Variants in CBFA2T3 observed in about 807,000 individuals in gnomAD.
CBFA2T3 encodes transcriptional corepressor CBFA2T3.
Under a neutral mutation model 58.6 loss-of-function variants are expected in CBFA2T3, and 31 were observed. The observed-to-expected ratio is 0.53, with a 90% CI of 0.40 to 0.71. The LOEUF (loss-of-function observed/expected upper bound fraction) is 0.71. Among genes scored for constraint, CBFA2T3 ranks in the 30% least tolerant of loss-of-function variants. The pLI is 0.00. For synonymous variants in CBFA2T3, 531 were observed against 421.9 expected (o/e 1.26, Z -3.17); for missense variants, 1,076 against 963.1 (o/e 1.12, Z -1.55).
intron 8 of CBFA2T3, among the ~76,000 whole-genome samples, chr16:88,881,860 G>A (rs1004004755): frequency 2.0e-5 from 3 of 152,236 alleles, no homozygotes; most frequent in African/African-American, 4.8e-5. Context: ...GAGGGGTGCT[G>A]GCCCCATGCC....
intron 9 of CBFA2T3, chr16:88,881,082 G>C (rs1483630149): frequency 1.4e-6 from 1 of 713,594 alleles, no homozygotes. Context: ...GGGCCTCCCA[G>C]CTCCGAGCCT....
chr16:88,906,079 T>C (rs1970321298), intron 1 of CBFA2T3, among the ~76,000 whole-genome samples: 1 of 152,012 alleles, frequency 6.6e-6, no homozygotes, highest in African/African-American at 2.4e-5. Context: ...GGTCCAGCAC[T>C]CTCCGCCATC....
chr16:88,877,660 C>T lies in CBFA2T3; in HGVS notation c.1663-385G>A, dbSNP rs532457308. Among the ~76,000 whole-genome samples, 732 of 152,254 alleles carry T rather than the reference C, an allele frequency of 4.8e-3. 4 individuals are homozygous for T. The highest frequency in any genetic ancestry group is 0.015 in the African/African-American group (634 of 41,538). On this transcript the variant is annotated intron_variant, in intron 11 of 11. Transcript: ENST00000268679. Reference sequence around the variant, plus strand: ...CGCCTCTGCTGCATCCACACCCACCCGTCCCCCTCCCCACCTCTGCCCCAC... The same window carrying T: ...CGCCTCTGCTGCATCCACACCCACCTGTCCCCCTCCCCACCTCTGCCCCAC...
Position 88,885,197 on chromosome 16 carries a change from G to C in CBFA2T3, c.966C>G (p.Asn322Lys), listed in dbSNP as rs1281566027. ...TGCTGGGGCTGTAGCGCTGGGCAGG[G>C]TTCAGGGTGCATGGCCGTTTGCTGA... is the stretch of plus-strand genomic sequence containing the variant. ...EHLSKRPCTL[N>K]PAQRYSPSNG... is the part of the protein sequence containing the mutation. Residue 322 changes from asparagine to lysine, a missense_variant, in exon 7 of 12, where the codon AAC becomes AAG. Coordinates refer to ENST00000268679, the MANE Select transcript of CBFA2T3 (RefSeq NM_005187.6). The surrounding 1 kb of genome is among the most constrained non-coding windows in gnomAD (Gnocchi z 5.3). 1 of 1,602,942 alleles carries C rather than the reference G, an allele frequency of 6.2e-7. No homozygotes were observed.
In CBFA2T3 at chr16:88,879,274, C is replaced by G; in HGVS notation, c.1658G>C (p.Ser553Thr). ...LTVINQQEDS[S>T]ESCWNCGRKA... is the part of the protein sequence containing the mutation. ...AGCGTGGCCGGGTGGCCCTACCTCG[C>G]TGGAGTCCTCCTGCTGGTTGATGAC... Residue 553 changes from serine to threonine, a missense_variant, in exon 11 of 12, where the codon AGC (serine) becomes ACC (threonine). Transcript: ENST00000268679. 1.9e-6 allele frequency: 3 copies of G among 1,592,392 alleles called. No individual in the cohort carries two copies. Among genetic ancestry groups the G allele is most frequent in the African/African-American group, 1.3e-5 (1 of 74,806 alleles).
chr16:88,922,758 C>A (rs915768227), intron 1 of CBFA2T3, among the ~76,000 whole-genome samples: 1 of 152,254 alleles, frequency 6.6e-6, no homozygotes, highest in Non-Finnish European at 1.5e-5. Context: ...ATCCCGACCT[C>A]GGAGACGGTG....
Position 88,881,409 on chromosome 16 carries a change from G to C in CBFA2T3, c.1284C>G (p.Arg428=). The C allele has an allele frequency of 6.2e-7, 1 of 1,607,196 alleles. No individual in the cohort carries two copies. The highest frequency in any genetic ancestry group is 8.5e-7 in the Non-Finnish European group (1 of 1,177,944). ...TVLRRCQEAD[R]EELNHWARRY... is the part of the protein sequence containing the mutation. Reference sequence around the variant, plus strand: ...GCCGCGCCCAGTGGTTGAGCTCCTCGCGGTCGGCCTCCTGGCACCTGCGCA... The same window carrying C: ...GCCGCGCCCAGTGGTTGAGCTCCTCCCGGTCGGCCTCCTGGCACCTGCGCA... Residue 428 remains arginine (R), a synonymous_variant, in exon 9 of 12, where the codon CGC becomes CGG. Coordinates refer to ENST00000268679, the MANE Select transcript of CBFA2T3 (RefSeq NM_005187.6).
rs1184697044 is a variant in CBFA2T3, at chr16:88,882,625, G to A, written c.1203+51C>T. ...GTGTGCGTGGCTGTGTGTGTGCGTG[G>A]CTGTGCGCCTGGGCATGGCTGTGTG... On this transcript the variant is annotated intron_variant, in intron 8 of 11. Coordinates refer to ENST00000268679, the MANE Select transcript of CBFA2T3 (RefSeq NM_005187.6). 10 of 1,194,738 alleles carry A rather than the reference G, an allele frequency of 8.4e-6. 1 individual carries two copies. The highest frequency in any genetic ancestry group is 1.2e-5 in the Non-Finnish European group (10 of 832,114). The allele number at this position is 1,194,738 out of a possible 1,614,324, so 74.0% of individuals were successfully genotyped here.
chr16:88,944,911 G>A (rs1185263081), intron 1 of CBFA2T3, among the ~76,000 whole-genome samples: 1 of 152,246 alleles, frequency 6.6e-6, no homozygotes, highest in Non-Finnish European at 1.5e-5. Context: ...GAAAGCTTGA[G>A]TAATCTCAGA....
chr16:88,926,201 G>A lies in CBFA2T3; in HGVS notation c.152-24545C>T, dbSNP rs191663722. ...GCCGGGGGTACAACTGGCTTCTGGG[G>A]CCGGGCTGCCGCCTCCAAGAGCCTA... On this transcript the variant is annotated intron_variant, in intron 1 of 11. Transcript: ENST00000268679. Among the ~76,000 whole-genome samples, 834 of 152,346 alleles carry A rather than the reference G, an allele frequency of 5.5e-3. 5 individuals carry two copies. The highest frequency in any genetic ancestry group is 9.6e-3 in the Non-Finnish European group (653 of 68,024).
intron 1 of CBFA2T3, among the ~76,000 whole-genome samples, chr16:88,975,756 G>A (rs1019555206): frequency 6.6e-6 from 1 of 152,252 alleles, no homozygotes; most frequent in African/African-American, 2.4e-5. Flanking sequence ...GCAGCTGCAG[G>A]TGGGAACAGC....
chr16:88,881,354 C>A lies in CBFA2T3; in HGVS notation c.1339G>T (p.Gly447Cys). ...RYSDAEDTKKGPAPAAARPRS... is the reference protein window; with the variant it reads ...RYSDAEDTKKCPAPAAARPRS... ...GGCCGGGCCGCGGCGGGAGCGGGGC[C>A]CTTCTTTGTGTCCTCGGCGTCGCTG... Residue 447 changes from glycine to cysteine, a missense_variant, in exon 9 of 12, where the codon GGC (glycine) becomes TGC (cysteine). Physicochemically the swap from Gly to Cys is radical, Grantham distance 159 (BLOSUM62 -3). Transcript: ENST00000268679. 6 of 1,585,462 alleles carry A rather than the reference C, an allele frequency of 3.8e-6. No individual in the cohort carries two copies. The highest frequency in any genetic ancestry group is 5.1e-6 in the Non-Finnish European group (6 of 1,167,546).
chr16:88,898,657 C>T (rs1969984818), intron 2 of CBFA2T3, among the ~76,000 whole-genome samples: 1 of 152,228 alleles, frequency 6.6e-6, no homozygotes, highest in South Asian at 2.1e-4. Flanking sequence ...GTCCTAAAAG[C>T]GACCTGAGAC....
chr16:88,945,415 T>C (rs1971876485), intron 1 of CBFA2T3, among the ~76,000 whole-genome samples: 1 of 152,212 alleles, frequency 6.6e-6, no homozygotes, highest in Non-Finnish European at 1.5e-5. Context: ...GAAACACATA[T>C]CTGATGAACA....
intron 1 of CBFA2T3, among the ~76,000 whole-genome samples, chr16:88,952,762 C>A (rs1363539159): frequency 2.6e-5 from 4 of 152,164 alleles, no homozygotes; most frequent in African/African-American, 9.7e-5. Flanking sequence ...CCTCCCATAC[C>A]CCCATGACAG....
Position 88,977,137 on chromosome 16 carries a change from C to T in CBFA2T3, c.-330G>A, listed in dbSNP as rs1972884458. 9.5e-6 allele frequency: 3 copies of T among 315,504 alleles called. No individual in the cohort carries two copies. Among genetic ancestry groups the T allele is most frequent in the Non-Finnish European group, 1.8e-5 (3 of 168,624 alleles). 19.5% of individuals were successfully genotyped at this position (315,504 alleles called of 1,614,324 possible). A position where few individuals can be genotyped will look rare whatever the true frequency, so the allele number is the denominator to read the frequency against. On this transcript the variant is annotated 5_prime_UTR_variant, in exon 1 of 12. Coordinates refer to ENST00000268679, the MANE Select transcript of CBFA2T3 (RefSeq NM_005187.6). ...CCGGGGCCGGAGGCCTGCAGCTGCGCCCGCCACTTCCCTGACAGGAACCAT... is the reference window on the plus strand; with the variant it reads ...CCGGGGCCGGAGGCCTGCAGCTGCGTCCGCCACTTCCCTGACAGGAACCAT...
At chr16:88,946,034 G>A (rs1365331695) in intron 1 of CBFA2T3, among the ~76,000 whole-genome samples, 9 of 152,236 alleles carry the variant, frequency 5.9e-5, no homozygotes, top group African/African-American at 1.2e-4. Context: ...ATGGCCGGGC[G>A]TGGTGGCTCA....
chr16:88,970,828 G>A (rs918174534), intron 1 of CBFA2T3, among the ~76,000 whole-genome samples: 4 of 152,244 alleles, frequency 2.6e-5, no homozygotes, highest in African/African-American at 9.6e-5. Context: ...CCCCTGTCTC[G>A]TGCAGCCGAC....
At chr16:88,909,599 C>G (rs571158332) in intron 1 of CBFA2T3, among the ~76,000 whole-genome samples, 6,605 of 81,786 alleles carry the variant, frequency 0.081, 216 homozygotes, top group African/African-American at 0.16. Context: ...ACGGAGGACG[C>G]CACTGCTTTA....
Sources: allele counts gnomAD v4.1 joint callset (sites outside exome capture counted in the v4.1 genomes callset), GRCh38; gene constraint gnomAD v4.1.1; non-coding constraint Gnocchi (gnomAD v3.1); transcripts MANE v1.5; gene names NCBI Gene and HGNC (gene_info 2026-07-23, HGNC 2026-07-21).